HEATR5B: variants seen among roughly 807,000 people sequenced by gnomAD.
HEATR5B encodes HEAT repeat containing 5B.
A neutral mutation model predicts 224.1 loss-of-function variants in HEATR5B; 156 were observed. That is an observed-to-expected ratio of 0.70 (90% CI 0.61 to 0.80). The LOEUF is 0.80. Ranked by LOEUF, HEATR5B falls within the 30% of genes least tolerant of loss-of-function variation. HEATR5B has a pLI of 0.00. For synonymous variants in HEATR5B, 1,027 were observed against 893.0 expected (o/e 1.15, Z -2.68); for missense variants, 2,323 against 2,535.5 (o/e 0.92, Z 1.80).
At chr2:37,019,084 G>A (rs1668302811) in intron 26 of HEATR5B, among the ~76,000 whole-genome samples, 3 of 152,028 alleles carry the variant, frequency 2.0e-5, no homozygotes, top group African/African-American at 7.2e-5. Context: ...CTTGAACCCG[G>A]GAGGCGGAGG....
At position 37,040,488 on chromosome 2, in the gene HEATR5B, C is replaced by T; in HGVS notation, c.2887G>A (p.Val963Met). The change falls in exon 20 of 36, where the codon GTG (valine) becomes ATG (methionine). Residue 963 changes from valine to methionine, a missense_variant. Val to Met is a conservative substitution (Grantham distance 21). Around this residue, in one of 12 missense-constraint regions of HEATR5B, gnomAD observed 44 missense variants for 39.0 expected, o/e 1.13. Coordinates refer to ENST00000233099, the MANE Select transcript of HEATR5B (RefSeq NM_019024.3). ...CGATACATCGGACCACTAGAATCCA[C>T]TATCAAAGCAAGTGAATGAAGAGAC... is the stretch of plus-strand genomic sequence containing the variant. The part of the protein sequence containing the change: ...TWSLHSLALI[V>M]DSSGPMYRGY... The T allele has an allele frequency of 6.2e-7, 1 of 1,611,060 alleles. No homozygotes were observed. Among genetic ancestry groups the T allele is most frequent in the South Asian group, 1.1e-5 (1 of 90,036 alleles).
chr2:37,047,186 A>AT (rs911928272), intron 18 of HEATR5B, among the ~76,000 whole-genome samples: 34 of 151,952 alleles, frequency 2.2e-4, no homozygotes, highest in Admixed American at 9.2e-4. Flanking sequence ...TCAAAAAAAA[A>AT]AAATAAATAA....
In HEATR5B at chr2:36,988,966, A is replaced by C. The variant is rs992148664; in HGVS notation, c.5698-107T>G. 8 of 767,102 alleles carry C rather than the reference A, an allele frequency of 1.0e-5. No individual in the cohort carries two copies. The African/African-American group carries it at 1.2e-4, about 12-fold the overall frequency. 47.5% of individuals were successfully genotyped at this position (767,102 alleles called of 1,614,324 possible). A position where few individuals can be genotyped will look rare whatever the true frequency, so the allele number is the denominator to read the frequency against. On this transcript the variant is annotated intron_variant, in intron 34 of 35. Transcript: ENST00000233099. ...TGAAAATAAGTGATACTGCAGGACA[A>C]AAATGGAAATTACATTTTCTACTTA...
intron 18 of HEATR5B, among the ~76,000 whole-genome samples, chr2:37,045,137 A>C (rs1455161315): frequency 1.3e-5 from 2 of 152,168 alleles, no homozygotes; most frequent in Non-Finnish European, 2.9e-5. Context: ...GAAAATGTAA[A>C]GCATATTTAT....
At chr2:37,019,982 C>T (rs1184866283) in intron 25 of HEATR5B, 105 bp from the exon 26 acceptor site, 1 of 715,578 alleles carries the variant, frequency 1.4e-6, no homozygotes, top group Non-Finnish European at 2.3e-6. Context: ...CGGCTCATTG[C>T]AACCTCTGCC....
intron 22 of HEATR5B, among the ~76,000 whole-genome samples, chr2:37,031,386 G>A: frequency 6.8e-6 from 1 of 146,986 alleles, no homozygotes; most frequent in Non-Finnish European, 1.5e-5. Flanking sequence ...AATATATTTT[G>A]TAAATATTTT....
At chr2:36,992,123 G>A (rs929503716) in intron 33 of HEATR5B, among the ~76,000 whole-genome samples, 4 of 151,982 alleles carry the variant, frequency 2.6e-5, no homozygotes, top group African/African-American at 4.8e-5. Flanking sequence ...GCTTGGATCC[G>A]GGAAGCAGAG....
chr2:37,055,116 A>C (rs1245452712), intron 16 of HEATR5B: 2 of 404,104 alleles, frequency 4.9e-6, no homozygotes, highest in Middle Eastern at 3.9e-4. Context: ...AAATATATTA[A>C]GCCGCACAGC....
chr2:37,068,469 A>G (rs1271295776), intron 8 of HEATR5B, among the ~76,000 whole-genome samples: 1 of 152,194 alleles, frequency 6.6e-6, no homozygotes, highest in East Asian at 1.9e-4. Flanking sequence ...TAAAACAGAA[A>G]ACACAATCTT....
At chr2:37,008,479 C>A in intron 28 of HEATR5B, 132 bp downstream of exon 28, 1 of 679,608 alleles carries the variant, frequency 1.5e-6, no homozygotes, top group Non-Finnish European at 2.6e-6. Context: ...CTAACTGAGA[C>A]AACATCAAAC....
chr2:37,045,091 T>G lies in HEATR5B; in HGVS notation c.2697-3799A>C, dbSNP rs143394933. On this transcript the variant is annotated intron_variant, in intron 18 of 35. Coordinates refer to ENST00000233099, the MANE Select transcript of HEATR5B (RefSeq NM_019024.3). ...TTTGGGCTGTTTTTACAAATTCCTT[T>G]TCTCACATCATGCTCAGGTTTTCCT... 1.8e-4 allele frequency among the ~76,000 whole-genome samples: 27 copies of G among 152,338 alleles called. No homozygotes were observed. In the East Asian group the frequency reaches 4.6e-3, roughly 26 times the overall value.
chr2:37,021,587 A>C (rs1668461264), intron 24 of HEATR5B, among the ~76,000 whole-genome samples: 1 of 152,066 alleles, frequency 6.6e-6, no homozygotes, highest in African/African-American at 2.4e-5. Flanking sequence ...CACATGTAAA[A>C]TGTAGATTCA....
chr2:37,078,009 G>T (rs1241279100), intron 3 of HEATR5B, among the ~76,000 whole-genome samples: 2 of 152,200 alleles, frequency 1.3e-5, no homozygotes, highest in Non-Finnish European at 2.9e-5. Flanking sequence ...TGTGGGTTTA[G>T]CTTAAAGGCA....
chr2:37,014,906 G>T lies in HEATR5B; in HGVS notation c.4105-886C>A, dbSNP rs556739795. Among the ~76,000 whole-genome samples, 14 of 151,956 alleles carry T rather than the reference G, an allele frequency of 9.2e-5. 1 individual carries two copies. The South Asian group carries it at 2.7e-3, about 29-fold the overall frequency. On this transcript the variant is annotated intron_variant, in intron 26 of 35. Coordinates refer to ENST00000233099, the MANE Select transcript of HEATR5B (RefSeq NM_019024.3). ...GCTGAGGCAGGAGAATCGCTAGGGA[G>T]CCAGAGGTTGCAGTGAGCCGAGATC...
At chr2:37,076,873 C>T in intron 4 of HEATR5B, 38 bp downstream of exon 4, 1 of 1,478,132 alleles carries the variant, frequency 6.8e-7, no homozygotes. Flanking sequence ...ACTCTTGCCA[C>T]AAGCAAATAT....
intron 2 of HEATR5B, among the ~76,000 whole-genome samples, chr2:37,082,597 C>G (rs1394086410): frequency 2.6e-5 from 4 of 152,256 alleles, no homozygotes; most frequent in Non-Finnish European, 4.4e-5. Context: ...CATGAGCGAT[C>G]TGCGCCTTAA....
rs569111598 is a variant in HEATR5B at position 36,992,149 on chromosome 2, G to C, written c.5546-1350C>G. On this transcript the variant is annotated intron_variant, in intron 33 of 35. Transcript: ENST00000233099. ...GGAAGCAGAGGTTGCAGTGAGCCAA[G>C]ATTGCGCCACTGCACTCCAGCCTGG... Among the ~76,000 whole-genome samples, 12 of 152,306 alleles carry C rather than the reference G, an allele frequency of 7.9e-5. No homozygotes were observed. In the South Asian group the frequency reaches 2.5e-3, roughly 32 times the overall value.
chr2:37,059,406 ATG>A (rs529487124), intron 12 of HEATR5B, among the ~76,000 whole-genome samples: 9,376 of 99,714 alleles, frequency 0.094, 711 homozygotes, highest in African/African-American at 0.1. Context: ...ATATATGTAT[ATG>A]TGTGTGTGTG....
intron 16 of HEATR5B, among the ~76,000 whole-genome samples, chr2:37,054,924 C>T (rs186412420): frequency 6.6e-6 from 1 of 152,260 alleles, no homozygotes; most frequent in African/African-American, 2.4e-5. Context: ...TCCCTGAGGT[C>T]GCTGTAAGGA....
Sources: gnomAD v4.1 joint callset for allele counts (sites outside exome capture counted in the v4.1 genomes callset) on GRCh38, gnomAD v4.1.1 for gene constraint, gnomAD v4.1.1 regional missense constraint, MANE v1.5 for transcripts, NCBI Gene and HGNC (gene_info 2026-07-23, HGNC 2026-07-21) for gene names.